The following CPLX2 variants were observed in gnomAD, a reference collection of about 807,000 sequenced individuals.
CPLX2 encodes complexin-2.
A neutral mutation model predicts 16.3 loss-of-function variants in CPLX2; 5 were observed. The ratio of observed to expected loss-of-function variants is 0.31; its 90% CI spans 0.16 to 0.64. CPLX2 has a LOEUF of 0.64. CPLX2 is among the 30% of genes least tolerant of loss of function. The pLI, the probability that CPLX2 is intolerant of heterozygous loss-of-function variation, is 0.79. For missense variants in CPLX2, 144 were observed against 181.4 expected, an observed-to-expected ratio of 0.79 and a Z score of 1.18; for synonymous variants, 89 against 73.2, an observed-to-expected ratio of 1.22 and a Z score of -1.10.
chr5:175,834,122 T>C (rs1758781607), intron 2 of CPLX2, among the ~76,000 whole-genome samples: 1 of 152,272 alleles, frequency 6.6e-6, no homozygotes, highest in Non-Finnish European at 1.5e-5. Flanking sequence ...CAGGAAGGCC[T>C]GCCTCTGGAT....
chr5:175,824,372 C>T (rs1007914879), intron 2 of CPLX2, among the ~76,000 whole-genome samples: 9 of 152,322 alleles, frequency 5.9e-5, no homozygotes, highest in African/African-American at 1.9e-4. Context: ...GGCAGGCCGG[C>T]CTTGCTGCCA....
chr5:175,832,866 A>G (rs2113659192), intron 2 of CPLX2, among the ~76,000 whole-genome samples: 1 of 152,282 alleles, frequency 6.6e-6, no homozygotes, highest in South Asian at 2.1e-4. Flanking sequence ...CTAAGAAAAA[A>G]GGATTAGGCT....
chr5:175,853,259 G>A (rs57216348), intron 2 of CPLX2, among the ~76,000 whole-genome samples: 18,607 of 152,232 alleles, frequency 0.12, 1,657 homozygotes, highest in East Asian at 0.5. Context: ...AAATACCATA[G>A]AGGTGCTACT....
intron 2 of CPLX2, among the ~76,000 whole-genome samples, chr5:175,819,437 G>A (rs145269613): frequency 9.9e-4 from 151 of 152,298 alleles, no homozygotes; most frequent in African/African-American, 2.7e-3. Flanking sequence ...CCATTTCAGC[G>A]ATTCTGGTGG....
upstream of CPLX2, among the ~76,000 whole-genome samples, chr5:175,869,039 T>C (rs1759530338): frequency 6.6e-6 from 1 of 152,246 alleles, no homozygotes; most frequent in African/African-American, 2.4e-5. Flanking sequence ...TTAGTAGTAG[T>C]ATTTTAATCA....
chr5:175,819,795 C>T (rs1180357669), intron 2 of CPLX2, among the ~76,000 whole-genome samples: 2 of 152,182 alleles, frequency 1.3e-5, no homozygotes, highest in Non-Finnish European at 2.9e-5. Context: ...TGGCCAGGCT[C>T]AGAGAGGTGA....
At chr5:175,871,266 GGGA>G (rs1175160479), upstream of CPLX2, among the ~76,000 whole-genome samples, 1 of 150,774 alleles carries the variant, frequency 6.6e-6, no homozygotes, top group Non-Finnish European at 1.5e-5. Context: ...GTCTGCGAGG[GGGA>G]GGAGAACAGT....
intron 2 of CPLX2, among the ~76,000 whole-genome samples, chr5:175,855,174 A>C (rs1759231183): frequency 6.6e-6 from 1 of 152,226 alleles, no homozygotes; most frequent in African/African-American, 2.4e-5. Context: ...AGTAGACATT[A>C]CACACAGTAT....
Position 175,872,364 on chromosome 5 carries a change from C to T in CPLX2, c.-89+659C>T, listed in dbSNP as rs1759647756. Among the ~76,000 whole-genome samples, 1 of 152,172 alleles carries T rather than the reference C, an allele frequency of 6.6e-6. No homozygotes were observed. Among genetic ancestry groups the T allele is most frequent in the South Asian group, 2.1e-4 (1 of 4,836 alleles). ...CGCCGCCTGGAGTCTTCGGGAACGA[C>T]CCCTTCTGTGCTCTCGTTCTCGTCG... On this transcript the variant is annotated intron_variant, in intron 1 of 3. Coordinates refer to ENST00000393745, the MANE Select transcript of CPLX2 (RefSeq NM_001008220.2). The surrounding 1 kb of genome is among the most constrained non-coding windows in gnomAD (Gnocchi z 5.0).
At chr5:175,819,783 A>G (rs543709004) in intron 2 of CPLX2, among the ~76,000 whole-genome samples, 1 of 152,166 alleles carries the variant, frequency 6.6e-6, no homozygotes. Context: ...TCACAGATGA[A>G]ATGGCCAGGC....
chr5:175,843,185 G>T (rs1758977675), intron 2 of CPLX2, among the ~76,000 whole-genome samples: 1 of 152,182 alleles, frequency 6.6e-6, no homozygotes, highest in African/African-American at 2.4e-5. Context: ...GCCAGACGGG[G>T]TCAGCTAGTC....
intron 2 of CPLX2, among the ~76,000 whole-genome samples, chr5:175,836,268 T>C (rs1286683351): frequency 6.6e-6 from 1 of 152,134 alleles, no homozygotes; most frequent in Admixed American, 6.5e-5. Context: ...GAGAATGGCA[T>C]GAACCCGGGA....
intron 2 of CPLX2, among the ~76,000 whole-genome samples, chr5:175,863,623 C>T (rs1386150979): frequency 1.3e-5 from 2 of 152,232 alleles, no homozygotes; most frequent in Non-Finnish European, 2.9e-5. Flanking sequence ...GCTTCATCTT[C>T]CCAAGACTTC....
intron 2 of CPLX2, among the ~76,000 whole-genome samples, chr5:175,832,494 T>C (rs1396830378): frequency 6.6e-6 from 1 of 152,234 alleles, no homozygotes; most frequent in Non-Finnish European, 1.5e-5. Context: ...CGTTGGAAAC[T>C]GCTGCTTCTG....
At chr5:175,804,338 C>T (rs1758155979) in intron 1 of CPLX2, among the ~76,000 whole-genome samples, 1 of 152,112 alleles carries the variant, frequency 6.6e-6, no homozygotes, top group Non-Finnish European at 1.5e-5. Context: ...CTGGTGGGGG[C>T]CCCAGAGAAC....
rs557288803 is a variant in CPLX2 at position 175,821,425 on chromosome 5, G to C, written c.-89+12357G>C. 1.0e-4 allele frequency among the ~76,000 whole-genome samples: 15 copies of C among 150,182 alleles called. No individual in the cohort carries two copies. The East Asian group carries it at 2.7e-3, about 27-fold the overall frequency. On this transcript the variant is annotated intron_variant, in intron 2 of 4. Transcript: ENST00000359546. ...TCTTTTCCTTTTTCTTTTTTTTCTTGAAATGGAGTTTCGCTGTCGTCACCC... is the reference window on the plus strand; with the variant it reads ...TCTTTTCCTTTTTCTTTTTTTTCTTCAAATGGAGTTTCGCTGTCGTCACCC...
upstream of CPLX2, chr5:175,871,423 G>C (rs1443720425): frequency 1.7e-5 from 2 of 117,232 alleles, no homozygotes; most frequent in African/African-American, 3.3e-5. Flanking sequence ...GAGAGAGAGA[G>C]AGAGAGAGAC....
chr5:175,852,517 C>A (rs111947046), intron 2 of CPLX2, among the ~76,000 whole-genome samples: 1 of 152,226 alleles, frequency 6.6e-6, no homozygotes, highest in Non-Finnish European at 1.5e-5. Context: ...CTGTGCCAGG[C>A]ACCATGCAAA....
At chr5:175,847,340 T>C (rs1759062794) in intron 2 of CPLX2, among the ~76,000 whole-genome samples, 1 of 152,120 alleles carries the variant, frequency 6.6e-6, no homozygotes, top group Non-Finnish European at 1.5e-5. Context: ...CAAGGCAATC[T>C]GAGAAGCAGG....
Sources: allele counts gnomAD v4.1 joint callset (sites outside exome capture counted in the v4.1 genomes callset), GRCh38; gene constraint gnomAD v4.1.1; non-coding constraint Gnocchi (gnomAD v3.1); transcripts MANE v1.5; gene names NCBI Gene and HGNC (gene_info 2026-07-23, HGNC 2026-07-21).